Variants in SOCS6 observed in about 807,000 individuals in gnomAD.
SOCS6 encodes the protein suppressor of cytokine signaling 6.
In SOCS6, 5 loss-of-function variants were observed where a neutral mutation model predicts 27.7. The ratio of observed to expected loss-of-function variants is 0.18; its 90% CI spans 0.09 to 0.38. The LOEUF (loss-of-function observed/expected upper bound fraction) is 0.38. SOCS6 is among the 10% of genes least tolerant of loss of function. The pLI, the probability that SOCS6 is intolerant of heterozygous loss-of-function variation, is 1.00. For synonymous variants in SOCS6, 271 were observed against 260.0 expected, an observed-to-expected ratio of 1.04 and a Z score of -0.41; for missense variants, 595 against 688.1, an observed-to-expected ratio of 0.86 and a Z score of 1.51.
chr18:70,295,900 A>G (rs560285732), intron 1 of SOCS6, among the ~76,000 whole-genome samples: 1 of 152,312 alleles, frequency 6.6e-6, no homozygotes, highest in South Asian at 2.1e-4. Context: ...TTGATGCTTA[A>G]GGTTTTAATT....
chr18:70,298,727 T>C (rs2062335212), intron 1 of SOCS6, among the ~76,000 whole-genome samples: 2 of 152,164 alleles, frequency 1.3e-5, no homozygotes, highest in Admixed American at 6.5e-5. Flanking sequence ...TCATAGTTAT[T>C]TCATAGGAGT....
At chr18:70,291,267 T>G (rs1174335466) in intron 1 of SOCS6, among the ~76,000 whole-genome samples, 1 of 152,130 alleles carries the variant, frequency 6.6e-6, no homozygotes, top group Non-Finnish European at 1.5e-5. Context: ...CCACCACACC[T>G]GGCTGATTGT....
At chr18:70,306,351 C>T (rs2062369021) in intron 1 of SOCS6, among the ~76,000 whole-genome samples, 1 of 151,268 alleles carries the variant, frequency 6.6e-6, no homozygotes, top group Non-Finnish European at 1.5e-5. Flanking sequence ...GCGCACGCTA[C>T]TGGGGAGGCT....
intron 1 of SOCS6, among the ~76,000 whole-genome samples, chr18:70,302,672 G>C (rs933243936): frequency 6.6e-6 from 1 of 152,068 alleles, no homozygotes; most frequent in Admixed American, 6.5e-5. Flanking sequence ...GAGTAGGAAG[G>C]GAAGAGGGTC....
chr18:70,325,683 A>G lies in SOCS6; in HGVS notation c.1015A>G (p.Ser339Gly), dbSNP rs1288967453. 3.7e-6 allele frequency: 6 copies of G among 1,614,096 alleles called. No homozygotes were observed. The African/African-American group carries it at 5.3e-5, about 14-fold the overall frequency. ...LTGTEAHVAE[S>G]MRCHLNFDPN... Reference sequence around the variant, plus strand: ...TGGCACAGAAGCCCACGTGGCTGAAAGTATGCGCTGTCATTTGAATTTTGA... The same window carrying G: ...TGGCACAGAAGCCCACGTGGCTGAAGGTATGCGCTGTCATTTGAATTTTGA... The change falls in exon 2 of 2, where the codon AGT (serine) becomes GGT (glycine). Residue 339 changes from serine to glycine, a missense_variant. Ser to Gly is a moderately conservative substitution (Grantham distance 56, BLOSUM62 0). This residue lies in a region of SOCS6 where 467 missense variants were observed against 481.1 expected (regional missense o/e 0.97). Transcript: ENST00000397942. The surrounding 1 kb of genome is among the most constrained non-coding windows in gnomAD (Gnocchi z 6.3).
rs117694213 is a variant in SOCS6, at chr18:70,315,240, T to G, written c.-126-9303T>G. Among the ~76,000 whole-genome samples, 237 of 152,304 alleles carry G rather than the reference T, an allele frequency of 1.6e-3. 1 individual carries two copies. Among genetic ancestry groups the G allele is most frequent in the Non-Finnish European group, 2.2e-3 (148 of 68,022 alleles). On this transcript the variant is annotated intron_variant, in intron 1 of 1. Coordinates refer to ENST00000397942, the MANE Select transcript of SOCS6 (RefSeq NM_004232.4). ...AAATTTGGGAGCTTTCTGTTTTCTG[T>G]GTGCTCTGAAGTGTGTTGTGAATTT...
intron 1 of SOCS6, among the ~76,000 whole-genome samples, chr18:70,290,908 C>T (rs1159317342): frequency 2.6e-5 from 4 of 152,224 alleles, no homozygotes; most frequent in Non-Finnish European, 5.9e-5. Flanking sequence ...CGGGTCATCC[C>T]ATGACCCCCT....
intron 1 of SOCS6, among the ~76,000 whole-genome samples, chr18:70,307,084 G>GAGAC (rs1240253855): frequency 1.3e-5 from 2 of 152,098 alleles, no homozygotes; most frequent in Non-Finnish European, 2.9e-5. Flanking sequence ...GCAACATAGG[G>GAGAC]AGACCCCAGC....
intron 1 of SOCS6, 149 bp from the exon 2 acceptor site, chr18:70,324,394 A>T: frequency 3.6e-6 from 1 of 280,948 alleles, no homozygotes; most frequent in Non-Finnish European, 6.6e-6. Flanking sequence ...TGCTGGGTGC[A>T]ATAGAAAGAA....
In SOCS6 at chr18:70,323,192, A is replaced by T. The variant is rs575155282; in HGVS notation, c.-126-1351A>T. Among the ~76,000 whole-genome samples the T allele has an allele frequency of 1.6e-4, 25 of 152,320 alleles. No homozygotes were observed. The South Asian group carries it at 4.6e-3, about 28-fold the overall frequency. On this transcript the variant is annotated intron_variant, in intron 1 of 1. Coordinates refer to ENST00000397942, the MANE Select transcript of SOCS6 (RefSeq NM_004232.4). ...AGGTCAGAATCTTGTTCTGGGCTTT[A>T]TTAGCATTTCGCTCAAGTCAAGCGA...
chr18:70,324,860 A>T lies in SOCS6; in HGVS notation c.192A>T (p.Gly64=). Residue 64 remains glycine (G), a synonymous_variant, in exon 2 of 2, where the codon GGA becomes GGT. Transcript: ENST00000397942. ...CDINGEDEKG[G]KNRSKSESLM... is the part of the protein sequence containing the mutation. ...TCAACGGTGAAGATGAAAAAGGCGG[A>T]AAAAACAGATCAAAAAGCGAGAGCC... is the stretch of plus-strand genomic sequence containing the variant. The T allele has an allele frequency of 6.2e-7, 1 of 1,614,162 alleles. No homozygotes were observed. Among genetic ancestry groups the T allele is most frequent in the Non-Finnish European group, 8.5e-7 (1 of 1,180,022 alleles).
chr18:70,296,889 A>G (rs1422683689), intron 1 of SOCS6, among the ~76,000 whole-genome samples: 1 of 122,478 alleles, frequency 8.2e-6, no homozygotes, highest in African/African-American at 2.9e-5. Flanking sequence ...CTTCCCTTTC[A>G]TTTTCTCATT....
At chr18:70,307,257 G>A (rs148541130) in intron 1 of SOCS6, among the ~76,000 whole-genome samples, 1 of 152,282 alleles carries the variant, frequency 6.6e-6, no homozygotes, top group Non-Finnish European at 1.5e-5. Flanking sequence ...ATGAGACCCT[G>A]TCTCTAAAAA....
chr18:70,302,515 A>G (rs1013273766), intron 1 of SOCS6, among the ~76,000 whole-genome samples: 2 of 152,138 alleles, frequency 1.3e-5, no homozygotes, highest in African/African-American at 4.8e-5. Flanking sequence ...CTCCAGCCTT[A>G]TTTAGCTCTA....
In SOCS6 at chr18:70,324,563, A is replaced by G; in HGVS notation, c.-106A>G. 2.7e-6 allele frequency: 2 copies of G among 734,968 alleles called. No homozygotes were observed. Among genetic ancestry groups the G allele is most frequent in the Non-Finnish European group, 2.2e-6 (1 of 450,732 alleles). 45.5% of individuals were successfully genotyped at this position (734,968 alleles called of 1,614,324 possible). A position where few individuals can be genotyped will look rare whatever the true frequency, so the allele number is the denominator to read the frequency against. ...TTTAGAAAATGGCTCCAAAGGTTAA[A>G]TGAAGCAGGAAAAATACATAGATGC... On this transcript the variant is annotated 5_prime_UTR_variant, in exon 2 of 2. It removes an upstream start codon present in the reference 5' UTR. Coordinates refer to ENST00000397942, the MANE Select transcript of SOCS6 (RefSeq NM_004232.4).
chr18:70,294,003 A>C (rs1465844730), intron 1 of SOCS6, among the ~76,000 whole-genome samples: 1 of 151,924 alleles, frequency 6.6e-6, no homozygotes, highest in African/African-American at 2.4e-5. Context: ...AGACAGGAGA[A>C]TTGCTTGAAC....
At position 70,329,839 on chromosome 18, in the gene SOCS6, T is replaced by C. The variant is rs1252774199; in HGVS notation, c.*3563T>C. ...AACATGGCGAAGTGTGTAGTTGCTG[T>C]TTCTGAAAAGTGATCCAAACTCTAC... On this transcript the variant is annotated 3_prime_UTR_variant, in exon 2 of 2. Transcript: ENST00000397942. The C allele has an allele frequency of 6.0e-6, 1 of 167,096 alleles. No homozygotes were observed. The highest frequency in any genetic ancestry group is 2.4e-5 in the African/African-American group (1 of 41,462). The allele number at this position is 167,096 out of a possible 1,614,324, so 10.4% of individuals were successfully genotyped here. A position where few individuals can be genotyped will look rare whatever the true frequency, so the allele number is the denominator to read the frequency against.
At chr18:70,305,852 TTTA>T (rs1325759522) in intron 1 of SOCS6, among the ~76,000 whole-genome samples, 6 of 152,026 alleles carry the variant, frequency 3.9e-5, no homozygotes, top group African/African-American at 7.3e-5. Flanking sequence ...TGCTAGTCGT[TTTA>T]TTGTTGCTAG....
Position 70,325,801 on chromosome 18 carries a change from A to G in SOCS6, c.1133A>G (p.Lys378Arg), listed in dbSNP as rs533111633. Reference sequence around the variant, plus strand: ...ACAAGCCTTACAGAGGAGCTGAAAAAACTTGCAAAGCAAGGATGGTACTGG... The same window carrying G: ...ACAAGCCTTACAGAGGAGCTGAAAAGACTTGCAAAGCAAGGATGGTACTGG... ...VVTSLTEELK[K>R]LAKQGWYWGP... The change falls in exon 2 of 2, where the codon AAA becomes AGA. Residue 378 changes from lysine to arginine, a missense_variant. This residue lies in a region of SOCS6 where 128 missense variants were observed against 207.0 expected (regional missense o/e 0.62). Coordinates refer to ENST00000397942, the MANE Select transcript of SOCS6 (RefSeq NM_004232.4). The surrounding 1 kb of genome is among the most constrained non-coding windows in gnomAD (Gnocchi z 6.3). 1 of 1,614,192 alleles carries G rather than the reference A, an allele frequency of 6.2e-7. No homozygotes were observed. Among genetic ancestry groups the G allele is most frequent in the African/African-American group, 1.3e-5 (1 of 75,062 alleles).
Sources: allele counts gnomAD v4.1 joint callset (sites outside exome capture counted in the v4.1 genomes callset), GRCh38; gene constraint gnomAD v4.1.1; regional missense constraint gnomAD v4.1.1; non-coding constraint Gnocchi (gnomAD v3.1); transcripts MANE v1.5; gene names NCBI Gene and HGNC (gene_info 2026-07-23, HGNC 2026-07-21).